Variants in ACER3 observed in about 807,000 individuals in gnomAD.
ACER3 encodes the protein alkaline ceramidase 3.
In ACER3, 16 loss-of-function variants were observed where a neutral mutation model predicts 48.9. The ratio of observed to expected loss-of-function variants is 0.33; its 90% CI spans 0.22 to 0.50. The LOEUF (loss-of-function observed/expected upper bound fraction) is 0.50, where lower values mean the gene tolerates loss of function less well. ACER3 is among the 20% of genes least tolerant of loss of function. The probability of loss-of-function intolerance (pLI) is 0.98; values close to 1 mark genes in which losing one functional copy is unlikely to be tolerated. For missense variants in ACER3, 227 were observed against 326.0 expected (o/e 0.70, Z 2.34); for synonymous variants, 109 against 107.8 (o/e 1.01, Z -0.07).
rs145829877 is a variant in ACER3, at chr11:76,997,706, C to T, written c.439-1057C>T. Among the ~76,000 whole-genome samples the T allele has an allele frequency of 3.6e-3, 554 of 152,154 alleles. 4 individuals are homozygous for T. Among genetic ancestry groups the T allele is most frequent in the East Asian group, 7.9e-3 (41 of 5,174 alleles). ...AAAAAAATTAGCCAGGATGTGGTTA[C>T]GCACACCTCTAGTCCCAGCTACTTG... is the stretch of plus-strand genomic sequence containing the variant. On this transcript the variant is annotated intron_variant, in intron 6 of 10. Coordinates refer to ENST00000532485, the MANE Select transcript of ACER3 (RefSeq NM_018367.7).
At chr11:76,954,981 G>A (rs1039007324) in intron 2 of ACER3, among the ~76,000 whole-genome samples, 6 of 152,068 alleles carry the variant, frequency 3.9e-5, no homozygotes, top group Non-Finnish European at 7.4e-5. Context: ...TTATCCCAGT[G>A]GAAATGCTTG....
At chr11:76,944,918 A>AT in intron 2 of ACER3, among the ~76,000 whole-genome samples, 1 of 149,798 alleles carries the variant, frequency 6.7e-6, no homozygotes, top group East Asian at 2.0e-4. Flanking sequence ...TTTTTCCCCT[A>AT]TTTTTGTCTG....
chr11:76,893,195 G>GA (rs1945850728), intron 1 of ACER3, among the ~76,000 whole-genome samples: 1 of 152,056 alleles, frequency 6.6e-6, no homozygotes, highest in African/African-American at 2.4e-5. Flanking sequence ...TGAATCAGAA[G>GA]AATTAATATT....
At chr11:76,945,203 A>G (rs919588744) in intron 2 of ACER3, among the ~76,000 whole-genome samples, 5 of 151,590 alleles carry the variant, frequency 3.3e-5, no homozygotes, top group Non-Finnish European at 4.4e-5. Flanking sequence ...TGAATTTTTT[A>G]TCTGGCATTA....
intron 3 of ACER3, among the ~76,000 whole-genome samples, chr11:76,967,323 A>C (rs1238493694): frequency 6.6e-6 from 1 of 152,252 alleles, no homozygotes; most frequent in Non-Finnish European, 1.5e-5. Flanking sequence ...TTAATAGCTT[A>C]CCAACCAAAA....
chr11:76,869,719 C>T (rs1395646452), intron 1 of ACER3, among the ~76,000 whole-genome samples: 2 of 152,102 alleles, frequency 1.3e-5, no homozygotes, highest in Non-Finnish European at 2.9e-5. Context: ...CTAAGTACCT[C>T]ATATAAGTAG....
chr11:76,981,339 G>A (rs922642480), intron 4 of ACER3, among the ~76,000 whole-genome samples: 6 of 152,176 alleles, frequency 3.9e-5, no homozygotes, highest in African/African-American at 1.4e-4. Context: ...CACTTAGAAG[G>A]AAATGAAAGG....
chr11:76,924,441 C>T (rs1039831906), intron 1 of ACER3, among the ~76,000 whole-genome samples: 1 of 151,912 alleles, frequency 6.6e-6, no homozygotes, highest in African/African-American at 2.4e-5. Flanking sequence ...TGGGCTCAAG[C>T]GATCCTCCCA....
chr11:76,945,186 A>G (rs1395099841), intron 2 of ACER3, among the ~76,000 whole-genome samples: 2 of 151,956 alleles, frequency 1.3e-5, no homozygotes, highest in Non-Finnish European at 2.9e-5. Flanking sequence ...CTTCAAAATC[A>G]ATATTTTGAA....
In ACER3 at chr11:76,985,734, AT is replaced by A; in HGVS notation, c.402+14del. On this transcript the variant is annotated intron_variant, in intron 5 of 10. Transcript: ENST00000532485. ...TTTAATAGTAACCACAGTAAGTCAT[AT>A]TTTGTTTCTAACAGATTAAGCATGT... 1 of 1,469,194 alleles carries A rather than the reference AT, an allele frequency of 6.8e-7. No individual in the cohort carries two copies. The highest frequency in any genetic ancestry group is 9.1e-7 in the Non-Finnish European group (1 of 1,093,054). 91.0% of individuals were successfully genotyped at this position (1,469,194 alleles called of 1,614,324 possible).
At chr11:76,982,905 C>A (rs1019486198) in intron 4 of ACER3, among the ~76,000 whole-genome samples, 1 of 152,148 alleles carries the variant, frequency 6.6e-6, no homozygotes, top group South Asian at 2.1e-4. Context: ...ATTCTTTCTG[C>A]ATTAAATTAT....
intron 1 of ACER3, among the ~76,000 whole-genome samples, chr11:76,868,924 A>G (rs1945171351): frequency 6.6e-6 from 1 of 152,164 alleles, no homozygotes; most frequent in African/African-American, 2.4e-5. Context: ...TGCGCTCCAA[A>G]TCTATGGGGA....
intron 4 of ACER3, among the ~76,000 whole-genome samples, chr11:76,977,997 C>G (rs974358150): frequency 1.3e-5 from 2 of 152,206 alleles, no homozygotes; most frequent in South Asian, 2.1e-4. Flanking sequence ...GACATGCCAG[C>G]CCCCTGCCAC....
intron 2 of ACER3, among the ~76,000 whole-genome samples, chr11:76,929,444 A>G (rs1457408764): frequency 6.6e-6 from 1 of 152,204 alleles, no homozygotes; most frequent in Non-Finnish European, 1.5e-5. Context: ...TTAATTGAAT[A>G]CGCTTTATTT....
chr11:76,861,901 C>G (rs1944950047), intron 1 of ACER3, among the ~76,000 whole-genome samples: 1 of 152,202 alleles, frequency 6.6e-6, no homozygotes, highest in Non-Finnish European at 1.5e-5. Context: ...AGCGGCTGCT[C>G]TGTCAGGCAC....
chr11:76,941,213 A>C (rs1947336701), intron 2 of ACER3, among the ~76,000 whole-genome samples: 1 of 152,202 alleles, frequency 6.6e-6, no homozygotes, highest in Non-Finnish European at 1.5e-5. Flanking sequence ...CTTAACTGAT[A>C]TGCACTTAGT....
rs375863981 is a variant in ACER3, at chr11:76,967,972, C to T, written c.268-8317C>T. 5.3e-5 allele frequency among the ~76,000 whole-genome samples: 8 copies of T among 152,090 alleles called. No homozygotes were observed. In the East Asian group the frequency reaches 7.7e-4, roughly 15 times the overall value. Reference sequence around the variant, plus strand: ...TCAGGCAGGAGAAGGAAATAAAGGGCATTCAATTAGGAAAAGAGGAAGTCA... The same window carrying T: ...TCAGGCAGGAGAAGGAAATAAAGGGTATTCAATTAGGAAAAGAGGAAGTCA... On this transcript the variant is annotated intron_variant, in intron 3 of 10. Transcript: ENST00000532485.
chr11:76,879,680 T>C (rs1945475200), intron 1 of ACER3, among the ~76,000 whole-genome samples: 2 of 152,256 alleles, frequency 1.3e-5, no homozygotes, highest in African/African-American at 4.8e-5. Context: ...AGTGATCATG[T>C]GATTTTATCC....
chr11:76,955,774 GAAAC>G (rs1247850851), intron 2 of ACER3, among the ~76,000 whole-genome samples: 5 of 152,194 alleles, frequency 3.3e-5, no homozygotes, highest in African/African-American at 1.2e-4. Context: ...GGCAGGCATA[GAAAC>G]ATTCAGTACA....
Sources: allele counts gnomAD v4.1 joint callset (sites outside exome capture counted in the v4.1 genomes callset), GRCh38; gene constraint gnomAD v4.1.1; transcripts MANE v1.5; gene names NCBI Gene and HGNC (gene_info 2026-07-23, HGNC 2026-07-21).